PYGB: variants seen among roughly 807,000 people sequenced by gnomAD.
PYGB encodes the protein glycogen phosphorylase B, also known as glycogen phosphorylase, brain form.
Under a neutral mutation model 94.3 loss-of-function variants are expected in PYGB, and 82 were observed. That is an observed-to-expected ratio of 0.87 (90% CI 0.73 to 1.04). PYGB has a LOEUF of 1.04. PYGB is among the 50% of genes least tolerant of loss of function. PYGB has a pLI of 0.00. For synonymous variants in PYGB, 488 were observed against 479.1 expected (o/e 1.02, Z -0.24); for missense variants, 1,132 against 1,158.2 (o/e 0.98, Z 0.33).
At chr20:25,284,401 C>T (rs973777212) in intron 14 of PYGB, 150 bp downstream of exon 14, 5 of 1,143,604 alleles carry the variant, frequency 4.4e-6, no homozygotes, top group Non-Finnish European at 6.0e-6. Flanking sequence ...TTATTTTAAG[C>T]AAAAGCCATG....
Position 25,286,264 on chromosome 20 carries a change from G to A in PYGB, c.1768+2013G>A, listed in dbSNP as rs139672965. The stretch of plus-strand genomic sequence containing the variant: ...GCTTCTGGGCTGCAGTGTGGCGTGA[G>A]GTGGCTTTCTCTGGCCTTCTTCCTT... On this transcript the variant is annotated intron_variant, in intron 14 of 19. Coordinates refer to ENST00000216962, the MANE Select transcript of PYGB (RefSeq NM_002862.4). Among the ~76,000 whole-genome samples the A allele has an allele frequency of 6.0e-3, 915 of 152,330 alleles. 2 individuals carry two copies. Among genetic ancestry groups the A allele is most frequent in the Non-Finnish European group, 9.4e-3 (637 of 68,038 alleles).
intron 7 of PYGB, among the ~76,000 whole-genome samples, chr20:25,277,841 A>G (rs2088327504): frequency 6.6e-6 from 1 of 152,234 alleles, no homozygotes; most frequent in South Asian, 2.1e-4. Flanking sequence ...TTTAGTGCCC[A>G]GTGGCTTTCT....
chr20:25,279,773 C>T (rs900003374), intron 9 of PYGB, among the ~76,000 whole-genome samples: 1 of 152,030 alleles, frequency 6.6e-6, no homozygotes, highest in African/African-American at 2.4e-5. Flanking sequence ...TTTTTAACTC[C>T]GTTTTGTAGA....
Position 25,269,147 on chromosome 20 carries a change from G to A in PYGB, c.364G>A (p.Glu122Lys), listed in dbSNP as rs199663078. Residue 122 changes from glutamate (E) to lysine (K), a missense_variant, in exon 3 of 20, where the codon GAA becomes AAA. Transcript: ENST00000216962. ...AIYQLGLDLE[E>K]LEEIEEDAGL... ...TTTGCAGTTGGGGTTAGACTTGGAG[G>A]AACTCGAGGAGATAGAAGAAGATGC... 2.5e-6 allele frequency: 4 copies of A among 1,593,832 alleles called. No homozygotes were observed. Among genetic ancestry groups the A allele is most frequent in the Non-Finnish European group, 3.4e-6 (4 of 1,161,538 alleles).
Position 25,295,611 on chromosome 20 carries a change from G to C in PYGB, c.2320G>C (p.Val774Leu). The C allele has an allele frequency of 6.2e-7, 1 of 1,613,932 alleles. No homozygotes were observed. The highest frequency in any genetic ancestry group is 8.5e-7 in the Non-Finnish European group (1 of 1,179,924). Residue 774 changes from valine (V) to leucine (L), a missense_variant, in exon 19 of 20, where the codon GTG becomes CTG. Coordinates refer to ENST00000216962, the MANE Select transcript of PYGB (RefSeq NM_002862.4). ...TCCTTTCTCCCATTCCAGGTTCAAG[G>C]TGTTTGCAGACTATGAAGCCTACAT... The part of the protein sequence containing the change: ...NMLMHHDRFK[V>L]FADYEAYMQC...
intron 15 of PYGB, 93 bp from the exon 16 acceptor site, chr20:25,290,388 C>A: frequency 6.7e-7 from 1 of 1,493,992 alleles, no homozygotes; most frequent in Non-Finnish European, 9.2e-7. Flanking sequence ...GTGGCTCTAG[C>A]CTCACCCCCC....
At chr20:25,282,932 G>A (rs1256919082) in intron 12 of PYGB, among the ~76,000 whole-genome samples, 3 of 152,166 alleles carry the variant, frequency 2.0e-5, no homozygotes, top group East Asian at 1.9e-4. Context: ...AGGGAGGGTC[G>A]TGTGTTTCCT....
chr20:25,255,159 C>A (rs1319652890), intron 1 of PYGB, among the ~76,000 whole-genome samples: 1 of 152,220 alleles, frequency 6.6e-6, no homozygotes, highest in African/African-American at 2.4e-5. Context: ...ACAGCAGATA[C>A]AGTAGTGGAT....
chr20:25,290,713 TCAG>T (rs1174399626), intron 16 of PYGB, 91 bp downstream of exon 16: 17 of 1,528,702 alleles, frequency 1.1e-5, no homozygotes, highest in Non-Finnish European at 7.2e-6. Context: ...CTCAGCCAGT[TCAG>T]CTCTGCCTGG....
intron 2 of PYGB, among the ~76,000 whole-genome samples, chr20:25,268,753 A>G (rs182334477): frequency 6.6e-6 from 1 of 152,336 alleles, no homozygotes; most frequent in East Asian, 1.9e-4. Flanking sequence ...TATCTGTTTC[A>G]CAACATTGTT....
At chr20:25,263,389 G>A (rs1157118111) in intron 2 of PYGB, among the ~76,000 whole-genome samples, 1 of 152,094 alleles carries the variant, frequency 6.6e-6, no homozygotes, top group Non-Finnish European at 1.5e-5. Flanking sequence ...AGAAGCAAGA[G>A]CAAACATTCA....
At chr20:25,251,845 T>A (rs1235723233) in intron 1 of PYGB, among the ~76,000 whole-genome samples, 1 of 152,234 alleles carries the variant, frequency 6.6e-6, no homozygotes, top group Non-Finnish European at 1.5e-5. Flanking sequence ...CAGCTCTACC[T>A]TGGGGCCCAC....
intron 15 of PYGB, 47 bp downstream of exon 15, chr20:25,288,530 ATAG>A (rs1489684729): frequency 6.3e-7 from 1 of 1,593,158 alleles, no homozygotes; most frequent in Non-Finnish European, 8.6e-7. Context: ...TGGTCTGGGG[ATAG>A]TGGGTGGGCA....
intron 2 of PYGB, among the ~76,000 whole-genome samples, chr20:25,260,252 G>A (rs983914142): frequency 3.9e-5 from 6 of 152,174 alleles, no homozygotes; most frequent in African/African-American, 1.4e-4. Flanking sequence ...GTTAACATTA[G>A]GGCATGTCTG....
At chr20:25,289,200 G>A (rs982699324) in intron 15 of PYGB, among the ~76,000 whole-genome samples, 3 of 152,188 alleles carry the variant, frequency 2.0e-5, no homozygotes, top group Non-Finnish European at 4.4e-5. Context: ...TCTGGGCTCC[G>A]CCACCTCCTG....
chr20:25,282,702 C>G (rs1353839907), intron 12 of PYGB, among the ~76,000 whole-genome samples: 11 of 152,172 alleles, frequency 7.2e-5, no homozygotes. Flanking sequence ...CCCCTGGGAC[C>G]TGGAAAGCAG....
At chr20:25,248,542 G>A in intron 1 of PYGB, 121 bp downstream of exon 1, 1 of 1,196,798 alleles carries the variant, frequency 8.4e-7, no homozygotes, top group Non-Finnish European at 1.0e-6. Context: ...CTAGCCGGCC[G>A]GCGGCCAGGC....
chr20:25,277,185 G>C lies in PYGB; in HGVS notation c.773-59G>C, dbSNP rs571101582. 2.9e-6 allele frequency: 4 copies of C among 1,357,416 alleles called. No individual in the cohort carries two copies. In the East Asian group the frequency reaches 9.2e-5, roughly 31 times the overall value. 84.1% of individuals were successfully genotyped at this position (1,357,416 alleles called of 1,614,324 possible). A position where few individuals can be genotyped will look rare whatever the true frequency, so the allele number is the denominator to read the frequency against. ...GGCCTTTGCAAGTAGGCCCCTGAGC[G>C]GTTGCAGTGCTGGTGCCAGGAGGCA... On this transcript the variant is annotated intron_variant, in intron 6 of 19. Coordinates refer to ENST00000216962, the MANE Select transcript of PYGB (RefSeq NM_002862.4).
At chr20:25,281,534 C>T (rs539112418) in intron 11 of PYGB, among the ~76,000 whole-genome samples, 1 of 152,386 alleles carries the variant, frequency 6.6e-6, no homozygotes, top group South Asian at 2.1e-4. Context: ...TACTCCCACT[C>T]TTTCACGTAG....
Sources: gnomAD v4.1 joint callset for allele counts (sites outside exome capture counted in the v4.1 genomes callset) on GRCh38, gnomAD v4.1.1 for gene constraint, MANE v1.5 for transcripts, NCBI Gene and HGNC (gene_info 2026-07-23, HGNC 2026-07-21) for gene names.